Variants in DMRT1 observed in about 807,000 individuals in gnomAD.
DMRT1 encodes doublesex and mab-3 related transcription factor 1.
In DMRT1, 7 loss-of-function variants were observed where a neutral mutation model predicts 32.3. The ratio of observed to expected loss-of-function variants is 0.22; its 90% confidence interval spans 0.12 to 0.41. The LOEUF (loss-of-function observed/expected upper bound fraction) is 0.41, where lower values mean the gene tolerates loss of function less well. DMRT1 is among the 10% of genes least tolerant of loss of function. The probability of loss-of-function intolerance (pLI) is 1.00; values close to 1 mark genes in which losing one functional copy is unlikely to be tolerated. For synonymous variants in DMRT1, 278 were observed against 206.1 expected, an observed-to-expected ratio of 1.35 and a Z score of -2.99; for missense variants, 625 against 500.5, an observed-to-expected ratio of 1.25 and a Z score of -2.37.
At chr9:856,394 G>C (rs1273640331) in intron 2 of DMRT1, among the ~76,000 whole-genome samples, 1 of 152,036 alleles carries the variant, frequency 6.6e-6, no homozygotes, top group East Asian at 1.9e-4. Flanking sequence ...CACTCCCCAT[G>C]TACTCTTCGC....
intron 3 of DMRT1, among the ~76,000 whole-genome samples, chr9:897,367 C>T (rs926177368): frequency 4.6e-5 from 7 of 151,818 alleles, no homozygotes; most frequent in African/African-American, 1.5e-4. Flanking sequence ...CCACCAGCCT[C>T]GGGCTCCCAA....
At chr9:856,507 T>G (rs1014961734) in intron 2 of DMRT1, among the ~76,000 whole-genome samples, 6 of 152,232 alleles carry the variant, frequency 3.9e-5, no homozygotes, top group Non-Finnish European at 5.9e-5. Flanking sequence ...CTTTTGTGTC[T>G]TACTTCTCTT....
chr9:859,296 A>T (rs1013131216), intron 2 of DMRT1, among the ~76,000 whole-genome samples: 12 of 152,270 alleles, frequency 7.9e-5, no homozygotes, highest in Non-Finnish European at 1.6e-4. Flanking sequence ...ACTGAGGTTT[A>T]TAGGGAACGG....
chr9:949,983 T>C lies in DMRT1; in HGVS notation c.968-18002T>C, dbSNP rs142600663. Reference sequence around the variant, plus strand: ...TCAGTGGACATGTAGGTTGCTTCCATGCATTCCTTGGGTACTGTGACTAGT... The same window carrying C: ...TCAGTGGACATGTAGGTTGCTTCCACGCATTCCTTGGGTACTGTGACTAGT... On this transcript the variant is annotated intron_variant, in intron 4 of 4. Transcript: ENST00000382276. Among the ~76,000 whole-genome samples the C allele has an allele frequency of 8.5e-4, 130 of 152,350 alleles. 1 individual carries two copies. The highest frequency in any genetic ancestry group is 2.8e-3 in the African/African-American group (118 of 41,582).
chr9:884,382 AAGT>A (rs1816844850), intron 2 of DMRT1, among the ~76,000 whole-genome samples: 1 of 151,846 alleles, frequency 6.6e-6, no homozygotes, highest in Admixed American at 6.6e-5. Flanking sequence ...AAAAAAAAAA[AAGT>A]AGCAGAGGGA....
intron 2 of DMRT1, among the ~76,000 whole-genome samples, chr9:866,151 G>C (rs894845280): frequency 8.8e-6 from 1 of 114,122 alleles, no homozygotes; most frequent in African/African-American, 3.3e-5. Flanking sequence ...GTGACAGAGT[G>C]AGAGTCCATC....
At chr9:852,084 C>T (rs868464830) in intron 2 of DMRT1, among the ~76,000 whole-genome samples, 4 of 151,608 alleles carry the variant, frequency 2.6e-5, no homozygotes, top group Non-Finnish European at 4.4e-5. Context: ...GGATTACAGG[C>T]GATCACCACC....
chr9:888,505 G>A lies in DMRT1; in HGVS notation c.539-5407G>A, dbSNP rs139451893. ...TATGTTTTGTAGAGGGGTTTTGTTT[G>A]CCCAGGTTGGTCTCGAACTCCTGGG... On this transcript the variant is annotated intron_variant, in intron 2 of 4. Coordinates refer to ENST00000382276, the MANE Select transcript of DMRT1 (RefSeq NM_021951.3). Among the ~76,000 whole-genome samples, 303 of 152,116 alleles carry A rather than the reference G, an allele frequency of 2.0e-3. 1 individual carries two copies. The highest frequency in any genetic ancestry group is 6.9e-3 in the African/African-American group (288 of 41,508).
chr9:927,341 G>A (rs1044679848), intron 4 of DMRT1, among the ~76,000 whole-genome samples: 1 of 152,228 alleles, frequency 6.6e-6, no homozygotes, highest in East Asian at 1.9e-4. Context: ...GTGCCTGGGC[G>A]GTGAAGTGTT....
At chr9:953,504 C>T (rs999801446) in intron 4 of DMRT1, among the ~76,000 whole-genome samples, 1 of 152,196 alleles carries the variant, frequency 6.6e-6, no homozygotes, top group Non-Finnish European at 1.5e-5. Context: ...CCTCTGCCCC[C>T]CCGACCTTTG....
At chr9:901,000 GT>G (rs34176929) in intron 3 of DMRT1, among the ~76,000 whole-genome samples, 89,690 of 150,042 alleles carry the variant, frequency 0.6, 28,591 homozygotes, top group South Asian at 0.74. Context: ...CTCTACTTCA[GT>G]TTTTTTTTTT....
chr9:884,115 T>C (rs915034115), intron 2 of DMRT1, among the ~76,000 whole-genome samples: 1 of 152,178 alleles, frequency 6.6e-6, no homozygotes, highest in African/African-American at 2.4e-5. Context: ...GTTTGGTTTT[T>C]TCATGGAGGT....
intron 4 of DMRT1, among the ~76,000 whole-genome samples, chr9:953,011 A>C (rs575432914): frequency 3.3e-5 from 5 of 152,306 alleles, no homozygotes; most frequent in Non-Finnish European, 7.3e-5. Context: ...AAAGGTTTTG[A>C]AAGATACACA....
chr9:864,787 A>G (rs541551401), intron 2 of DMRT1, among the ~76,000 whole-genome samples: 249 of 152,276 alleles, frequency 1.6e-3, no homozygotes, highest in African/African-American at 5.6e-3. Context: ...GGCGTGAGCC[A>G]CCGTGCCCGC....
rs1554757298 is a variant in DMRT1 at position 924,088 on chromosome 9, T to TCCC, written c.967+7183_967+7184insCCC. 2.0e-3 allele frequency among the ~76,000 whole-genome samples: 295 copies of TCCC among 144,306 alleles called. 6 individuals carry two copies. Among genetic ancestry groups the TCCC allele is most frequent in the African/African-American group, 3.5e-3 (138 of 39,320 alleles). 94.7% of individuals were successfully genotyped at this position (144,306 alleles called of 152,430 possible). A position where few individuals can be genotyped will look rare whatever the true frequency, so the allele number is the denominator to read the frequency against. On this transcript the variant is annotated intron_variant, in intron 4 of 4. Transcript: ENST00000382276. ...TCAATCTCTTTTTTTTTTTTTTTTT[T>TCCC]CCACCTGGAGTCTCTCTCTGTCTCC...
Position 910,319 on chromosome 9 carries a change from T to TAA in DMRT1, c.823-6432_823-6431dup, listed in dbSNP as rs145633265. On this transcript the variant is annotated intron_variant, in intron 3 of 4. Transcript: ENST00000382276. Reference sequence around the variant, plus strand: ...AAAACAAATGAAAAAACTTAGAAATTAAAAAAAAAAAAAGACTGTTCCCCT... The same window carrying TAA: ...AAAACAAATGAAAAAACTTAGAAATTAAAAAAAAAAAAAAAGACTGTTCCCCT... Among the ~76,000 whole-genome samples, 624 of 142,306 alleles carry TAA rather than the reference T, an allele frequency of 4.4e-3. 3 individuals are homozygous for TAA. Among genetic ancestry groups the TAA allele is most frequent in the African/African-American group, 0.015 (591 of 39,188 alleles). The allele number at this position is 142,306 out of a possible 152,430, so 93.4% of individuals were successfully genotyped here.
chr9:935,672 G>A (rs7858543), intron 4 of DMRT1, among the ~76,000 whole-genome samples: 30,617 of 152,204 alleles, frequency 0.2, 4,777 homozygotes, highest in African/African-American at 0.44. Flanking sequence ...TCATGAATCA[G>A]TGTCGGGTTT....
intron 4 of DMRT1, among the ~76,000 whole-genome samples, chr9:960,612 G>C (rs1169738736): frequency 6.6e-6 from 1 of 152,206 alleles, no homozygotes; most frequent in Non-Finnish European, 1.5e-5. Flanking sequence ...TGCCAGTGTG[G>C]ATGGCAGAGC....
At chr9:883,422 G>A (rs941651981) in intron 2 of DMRT1, among the ~76,000 whole-genome samples, 10 of 152,010 alleles carry the variant, frequency 6.6e-5, no homozygotes, top group Non-Finnish European at 1.2e-4. Flanking sequence ...CCTCAGTGAG[G>A]AGCATCCCAG....
Sources: allele counts gnomAD v4.1 joint callset (sites outside exome capture counted in the v4.1 genomes callset), GRCh38; gene constraint gnomAD v4.1.1; transcripts MANE v1.5; gene names NCBI Gene and HGNC (gene_info 2026-07-23, HGNC 2026-07-21).